PCNT: variants seen among roughly 807,000 people sequenced by gnomAD.
PCNT encodes kendrin.
A neutral mutation model predicts 380.4 loss-of-function variants in PCNT; 319 were observed. That is an observed-to-expected ratio of 0.84 (90% CI 0.77 to 0.92). PCNT has a LOEUF of 0.92. Ranked by LOEUF, PCNT falls within the 40% of genes least tolerant of loss-of-function variation. The probability of loss-of-function intolerance (pLI) is 0.00; values close to 1 mark genes in which losing one functional copy is unlikely to be tolerated. For missense variants in PCNT, 4,400 were observed against 4,255.3 expected (o/e 1.03, Z -0.95); for synonymous variants, 1,845 against 1,735.2 (o/e 1.06, Z -1.57).
At chr21:46,433,038 G>T (rs565936488) in intron 38 of PCNT, among the ~76,000 whole-genome samples, 1 of 151,972 alleles carries the variant, frequency 6.6e-6, no homozygotes, top group Non-Finnish European at 1.5e-5. Flanking sequence ...GTCTCATTCC[G>T]TCACTCAGGC....
chr21:46,345,554 G>A (rs902941932), intron 3 of PCNT, among the ~76,000 whole-genome samples: 32 of 152,230 alleles, frequency 2.1e-4, no homozygotes, highest in African/African-American at 6.7e-4. Flanking sequence ...TGATTTAAGC[G>A]AGTTTAATAT....
At position 46,411,256 on chromosome 21, in the gene PCNT, A is replaced by G. The variant is rs1434396370; in HGVS notation, c.5183A>G (p.Gln1728Arg). The change falls in exon 28 of 47, where the codon CAG becomes CGG. Residue 1728 changes from glutamine to arginine, a missense_variant. Physicochemically the swap from Gln to Arg is conservative, Grantham distance 43. Coordinates refer to ENST00000359568, the MANE Select transcript of PCNT (RefSeq NM_006031.6). ...KATIENLQEN[Q>R]KRLQKEKAEE... ...ACTATTGAAAATCTGCAAGAGAATCAGAAACGATTACAAAAGGAGAAAGCA... is the reference window on the plus strand; with the variant it reads ...ACTATTGAAAATCTGCAAGAGAATCGGAAACGATTACAAAAGGAGAAAGCA... The G allele has an allele frequency of 6.2e-7, 1 of 1,614,116 alleles. No homozygotes were observed. Among genetic ancestry groups the G allele is most frequent in the Non-Finnish European group, 8.5e-7 (1 of 1,180,044 alleles).
chr21:46,436,242 G>GGATGACGAAGA, intron 39 of PCNT, 94 bp downstream of exon 39: 1 of 1,430,148 alleles, frequency 7.0e-7, no homozygotes, highest in Non-Finnish European at 9.6e-7. Flanking sequence ...CTGGTGTGAG[G>GGATGACGAAGA]CCCCTGCTCC....
chr21:46,431,846 G>A lies in PCNT; in HGVS notation c.8382G>A (p.Leu2794=). 2 of 1,614,026 alleles carry A rather than the reference G, an allele frequency of 1.2e-6. No individual in the cohort carries two copies. The highest frequency in any genetic ancestry group is 1.7e-6 in the Non-Finnish European group (2 of 1,180,036). ...TQAHHALLQK[L]KEEKSRVVDL... ...CCCATCACGCTCTGCTGCAGAAGCT[G>A]AAGGAGGAGAAGTCCCGGGTGGTGG... The change falls in exon 38 of 47, where the codon CTG becomes CTA. Residue 2794 remains leucine, a synonymous_variant. Transcript: ENST00000359568.
intron 28 of PCNT, 66 bp downstream of exon 28, chr21:46,412,133 A>G (rs1358456871): frequency 6.5e-6 from 10 of 1,544,996 alleles, no homozygotes; most frequent in Non-Finnish European, 4.4e-6. Flanking sequence ...TTTGATGTCA[A>G]TGACTTCTCT....
At chr21:46,332,363 C>T (rs1345487476) in intron 2 of PCNT, among the ~76,000 whole-genome samples, 2 of 152,180 alleles carry the variant, frequency 1.3e-5, no homozygotes, top group Non-Finnish European at 2.9e-5. Flanking sequence ...GGCCGTTTTA[C>T]TGTTTTGTCA....
intron 33 of PCNT, among the ~76,000 whole-genome samples, chr21:46,426,342 T>C (rs2087504760): frequency 6.6e-6 from 1 of 152,178 alleles, no homozygotes; most frequent in Non-Finnish European, 1.5e-5. Context: ...TAGGATTTTT[T>C]TTAGCACGGC....
In PCNT at chr21:46,436,112, G is replaced by T. The variant is rs539546451; in HGVS notation, c.8960G>T (p.Arg2987Leu). Residue 2987 changes from arginine (R) to leucine (L), a missense_variant, in exon 39 of 47, where the codon CGG (arginine) becomes CTG (leucine). Coordinates refer to ENST00000359568, the MANE Select transcript of PCNT (RefSeq NM_006031.6). ...AGGCAGCGGCTGCTCTCTGCCGCCC[G>T]GCTTCTCACCAGCTTCACCAGCCAG... Reference protein sequence around the residue: ...AMRQRLLSAARLLTSFTSQAV... With the variant: ...AMRQRLLSAALLLTSFTSQAV... The T allele has an allele frequency of 6.2e-7, 1 of 1,610,294 alleles. No homozygotes were observed. Among genetic ancestry groups the T allele is most frequent in the Non-Finnish European group, 8.5e-7 (1 of 1,179,848 alleles).
At chr21:46,362,866 CAA>C (rs961481208) in intron 13 of PCNT, among the ~76,000 whole-genome samples, 6 of 137,534 alleles carry the variant, frequency 4.4e-5, no homozygotes, top group African/African-American at 5.3e-5. Flanking sequence ...GACCCTGTCT[CAA>C]AAAAAAAAAA....
At chr21:46,414,456 C>A (rs1331914287) in intron 29 of PCNT, among the ~76,000 whole-genome samples, 1 of 20,196 alleles carries the variant, frequency 5.0e-5, no homozygotes. Context: ...AGTCGCCCAC[C>A]CTCCTCCTCC....
chr21:46,333,456 A>G (rs1427819972), intron 2 of PCNT, among the ~76,000 whole-genome samples: 1 of 151,962 alleles, frequency 6.6e-6, no homozygotes, highest in South Asian at 2.1e-4. Flanking sequence ...AGAAAAAAAA[A>G]ATTAGCCGGG....
intron 17 of PCNT, among the ~76,000 whole-genome samples, chr21:46,387,901 C>A (rs1199076747): frequency 6.6e-6 from 1 of 152,030 alleles, no homozygotes; most frequent in Non-Finnish European, 1.5e-5. Flanking sequence ...GCCTCGGGAG[C>A]CCCTGTGTGT....
At chr21:46,353,427 A>G (rs1601813867) in intron 10 of PCNT, 101 bp downstream of exon 10, 1 of 967,880 alleles carries the variant, frequency 1.0e-6, no homozygotes, top group East Asian at 2.4e-5. Context: ...AGTAGGCACC[A>G]ATGGCCTTTT....
chr21:46,337,811 A>G (rs974268910), intron 3 of PCNT, among the ~76,000 whole-genome samples: 1 of 151,416 alleles, frequency 6.6e-6, no homozygotes, highest in African/African-American at 2.4e-5. Context: ...TGAACTCCCA[A>G]CCTCAGGTGA....
intron 13 of PCNT, among the ~76,000 whole-genome samples, chr21:46,357,511 A>T (rs890034044): frequency 7.9e-5 from 12 of 152,214 alleles, no homozygotes; most frequent in African/African-American, 2.9e-4. Context: ...GCATGGTCTC[A>T]GCTCACTGCA....
intron 19 of PCNT, among the ~76,000 whole-genome samples, chr21:46,389,651 A>G (rs915801855): frequency 1.3e-5 from 2 of 152,270 alleles, no homozygotes; most frequent in Non-Finnish European, 2.9e-5. Flanking sequence ...TCTTTACTTC[A>G]TGCACTGTTG....
chr21:46,364,526 T>A (rs1319148965), intron 14 of PCNT, among the ~76,000 whole-genome samples: 1 of 152,262 alleles, frequency 6.6e-6, no homozygotes, highest in African/African-American at 2.4e-5. Flanking sequence ...ATAGGTGTCA[T>A]AAGGACATGG....
intron 27 of PCNT, among the ~76,000 whole-genome samples, chr21:46,405,030 G>C (rs571042175): frequency 2.2e-4 from 33 of 152,290 alleles, no homozygotes; most frequent in African/African-American, 7.2e-4. Context: ...TTTGAGCCCA[G>C]GAATTCGAGA....
At chr21:46,368,060 C>T (rs1280773596) in intron 15 of PCNT, among the ~76,000 whole-genome samples, 1 of 152,126 alleles carries the variant, frequency 6.6e-6, no homozygotes, top group Non-Finnish European at 1.5e-5. Flanking sequence ...GAGGCTGAAG[C>T]AGGAGGATTG....
Sources: allele counts gnomAD v4.1 joint callset (sites outside exome capture counted in the v4.1 genomes callset), GRCh38; gene constraint gnomAD v4.1.1; transcripts MANE v1.5; gene names NCBI Gene and HGNC (gene_info 2026-07-23, HGNC 2026-07-21).